Variants in PARD3 observed in about 807,000 individuals in gnomAD.
The protein encoded by PARD3 is partitioning defective 3 homolog.
Under a neutral mutation model 155.4 loss-of-function variants are expected in PARD3, and 75 were observed. The ratio of observed to expected loss-of-function variants is 0.48; its 90% CI spans 0.40 to 0.58. The LOEUF (loss-of-function observed/expected upper bound fraction) is 0.58. Ranked by LOEUF, PARD3 falls within the 20% of genes least tolerant of loss-of-function variation. The pLI, the probability that PARD3 is intolerant of heterozygous loss-of-function variation, is 0.00. For missense variants in PARD3, 1,642 were observed against 1,721.7 expected, an observed-to-expected ratio of 0.95 and a Z score of 0.82; for synonymous variants, 576 against 610.5, an observed-to-expected ratio of 0.94 and a Z score of 0.83.
chr10:34,571,129 A>C (rs1285053107), intron 2 of PARD3, among the ~76,000 whole-genome samples: 1 of 152,126 alleles, frequency 6.6e-6, no homozygotes, highest in Non-Finnish European at 1.5e-5. Context: ...TGGGCAACAT[A>C]GCAAGACCCT....
At chr10:34,790,845 G>A (rs914995861) in intron 1 of PARD3, among the ~76,000 whole-genome samples, 2 of 152,068 alleles carry the variant, frequency 1.3e-5, no homozygotes, top group African/African-American at 2.4e-5. Context: ...CCAAAAAAAT[G>A]GCCTGTGACC....
At chr10:34,386,511 T>A (rs996396151) in intron 7 of PARD3, among the ~76,000 whole-genome samples, 1 of 152,232 alleles carries the variant, frequency 6.6e-6, no homozygotes, top group Admixed American at 6.5e-5. Context: ...CTGAACAAAG[T>A]GTTCTATCAT....
intron 5 of PARD3, among the ~76,000 whole-genome samples, chr10:34,405,077 CAA>C (rs1491468633): frequency 0.06 from 2,234 of 37,206 alleles, 62 homozygotes; most frequent in African/African-American, 0.22. Flanking sequence ...ATCACAAACA[CAA>C]ACACACACAC....
chr10:34,597,425 T>TTTA (rs1042911204), intron 2 of PARD3, among the ~76,000 whole-genome samples: 2 of 151,616 alleles, frequency 1.3e-5, no homozygotes, highest in African/African-American at 2.4e-5. Flanking sequence ...TTTTTATTTA[T>TTTA]TTACTATTAT....
At chr10:34,292,450 T>C (rs1956718972) in intron 20 of PARD3, among the ~76,000 whole-genome samples, 1 of 152,100 alleles carries the variant, frequency 6.6e-6, no homozygotes, top group Admixed American at 6.6e-5. Context: ...AGCAGAAAGC[T>C]CCTATTTAGG....
chr10:34,552,880 G>A (rs1330250448), intron 2 of PARD3, among the ~76,000 whole-genome samples: 2 of 151,926 alleles, frequency 1.3e-5, no homozygotes, highest in East Asian at 1.9e-4. Context: ...AAGTAATTAC[G>A]GTTTTTGCAT....
At chr10:34,664,628 G>A (rs2093405670) in intron 2 of PARD3, among the ~76,000 whole-genome samples, 1 of 152,092 alleles carries the variant, frequency 6.6e-6, no homozygotes, top group Non-Finnish European at 1.5e-5. Context: ...TGGGATTACA[G>A]GCATGTGCCA....
At chr10:34,437,460 T>TCCC (rs2064963827) in intron 5 of PARD3, among the ~76,000 whole-genome samples, 2 of 152,168 alleles carry the variant, frequency 1.3e-5, no homozygotes, top group African/African-American at 4.8e-5. Flanking sequence ...CCCCAAAAGC[T>TCCC]ATATACTAGG....
At chr10:34,672,051 G>A (rs1292907219) in intron 2 of PARD3, among the ~76,000 whole-genome samples, 1 of 151,968 alleles carries the variant, frequency 6.6e-6, no homozygotes, top group Non-Finnish European at 1.5e-5. Flanking sequence ...GTGCATGCCT[G>A]TCAGCTACTG....
intron 1 of PARD3, among the ~76,000 whole-genome samples, chr10:34,807,038 A>G (rs573239503): frequency 2.0e-5 from 3 of 152,342 alleles, no homozygotes; most frequent in African/African-American, 7.2e-5. Flanking sequence ...CCTCCACTGC[A>G]CAAAGGTAGC....
rs1361847728 is a variant in PARD3 at position 34,605,537 on chromosome 10, C to A, written c.223-88378G>T. 8.6e-3 allele frequency among the ~76,000 whole-genome samples: 222 copies of A among 25,684 alleles called. 21 individuals are homozygous for A. In the African/African-American group the frequency reaches 0.095, roughly 11 times the overall value. The allele number at this position is 25,684 out of a possible 152,430, so 16.8% of individuals were successfully genotyped here. A position where few individuals can be genotyped will look rare whatever the true frequency, so the allele number is the denominator to read the frequency against. Reference sequence around the variant, plus strand: ...TATATATATCTCCTATATATATCTCCTATATATATATATATATATCTCCTA... The same window carrying A: ...TATATATATCTCCTATATATATCTCATATATATATATATATATATCTCCTA... On this transcript the variant is annotated intron_variant, in intron 2 of 24. Transcript: ENST00000374788.
At chr10:34,299,366 G>A (rs945074453) in intron 20 of PARD3, among the ~76,000 whole-genome samples, 1 of 152,136 alleles carries the variant, frequency 6.6e-6, no homozygotes, top group African/African-American at 2.4e-5. Flanking sequence ...TGCTATTTGG[G>A]TACTCTCCAG....
intron 17 of PARD3, 70 bp downstream of exon 17, chr10:34,337,205 G>C: frequency 1.0e-6 from 1 of 976,822 alleles, no homozygotes; most frequent in Non-Finnish European, 1.5e-6. Context: ...ACATCTGCTT[G>C]GGACCATCAA....
chr10:34,736,658 ATTTATTT>A (rs56708466), intron 1 of PARD3, among the ~76,000 whole-genome samples: 1,362 of 80,708 alleles, frequency 0.017, 26 homozygotes, highest in African/African-American at 0.042. Context: ...TAATTAATTT[ATTTATTT>A]ATTTATTTAT....
intron 2 of PARD3, among the ~76,000 whole-genome samples, chr10:34,593,442 A>G (rs548756607): frequency 6.6e-6 from 1 of 152,364 alleles, no homozygotes; most frequent in Non-Finnish European, 1.5e-5. Context: ...CACCAGTCAC[A>G]GAGATAATAC....
At chr10:34,764,423 C>T (rs1400273712) in intron 1 of PARD3, among the ~76,000 whole-genome samples, 1 of 152,134 alleles carries the variant, frequency 6.6e-6, no homozygotes, top group Non-Finnish European at 1.5e-5. Flanking sequence ...CCTTAAGAGT[C>T]CTTCCTCATC....
intron 2 of PARD3, among the ~76,000 whole-genome samples, chr10:34,676,605 G>A (rs2093711865): frequency 6.6e-6 from 1 of 152,114 alleles, no homozygotes; most frequent in South Asian, 2.1e-4. Flanking sequence ...ACTACCACTG[G>A]AACGACACGC....
chr10:34,799,145 G>A (rs375399464), intron 1 of PARD3, among the ~76,000 whole-genome samples: 11 of 152,236 alleles, frequency 7.2e-5, no homozygotes, highest in South Asian at 6.2e-4. Context: ...GGGATCAAGC[G>A]ATTCTCCTGC....
rs539459773 is a variant in PARD3 at position 34,352,338 on chromosome 10, GCTCCCCT to G, written c.2068-4230_2068-4224del. ...CTCCACTGTAAAGTTACTCTTTTTT[GCTCCCCT>G]CTCCCCTCTCCCCTCTCCCTCCACT... On this transcript the variant is annotated intron_variant, in intron 14 of 24. Coordinates refer to ENST00000374788, the MANE Select transcript of PARD3 (RefSeq NM_001184785.2). 6.9e-4 allele frequency among the ~76,000 whole-genome samples: 104 copies of G among 151,268 alleles called. No homozygotes were observed. In the East Asian group the frequency reaches 0.012, roughly 18 times the overall value.
Sources: gnomAD v4.1 joint callset for allele counts (sites outside exome capture counted in the v4.1 genomes callset) on GRCh38, gnomAD v4.1.1 for gene constraint, MANE v1.5 for transcripts, NCBI Gene and HGNC (gene_info 2026-07-23, HGNC 2026-07-21) for gene names.